The following RAB11FIP3 variants were observed in gnomAD, a reference collection of about 807,000 sequenced individuals.
RAB11FIP3 encodes RAB11 family interacting protein 3, also known as rab11 family-interacting protein 3.
Under a neutral mutation model 77.8 loss-of-function variants are expected in RAB11FIP3, and 17 were observed. That is an observed-to-expected ratio of 0.22 (90% CI 0.15 to 0.33). The LOEUF is 0.33. Ranked by LOEUF, RAB11FIP3 falls within the 10% of genes least tolerant of loss-of-function variation. The pLI, the probability that RAB11FIP3 is intolerant of heterozygous loss-of-function variation, is 1.00. For synonymous variants in RAB11FIP3, 437 were observed against 448.2 expected (o/e 0.98, Z 0.31); for missense variants, 1,005 against 1,011.2 (o/e 0.99, Z 0.08).
At chr16:436,572 C>T (rs2055131640) in intron 1 of RAB11FIP3, among the ~76,000 whole-genome samples, 1 of 152,108 alleles carries the variant, frequency 6.6e-6, no homozygotes, top group Non-Finnish European at 1.5e-5. Flanking sequence ...AGCTCCACCT[C>T]CCAGGTTCAA....
At chr16:488,710 A>ATT (rs2029901958) in intron 4 of RAB11FIP3, 141 bp from the exon 5 acceptor site, 5 of 553,434 alleles carry the variant, frequency 9.0e-6, no homozygotes, top group Non-Finnish European at 1.4e-5. Context: ...CATCCAGCCC[A>ATT]CTTTTTTTTT....
At position 461,864 on chromosome 16, in the gene RAB11FIP3, C is replaced by T. The variant is rs374311435; in HGVS notation, c.808+367C>T. Among the ~76,000 whole-genome samples the T allele has an allele frequency of 6.6e-6, 1 of 152,188 alleles. No homozygotes were observed. Among genetic ancestry groups the T allele is most frequent in the Non-Finnish European group, 1.5e-5 (1 of 68,040 alleles). On this transcript the variant is annotated intron_variant, in intron 2 of 13. Transcript: ENST00000262305. The surrounding 1 kb of genome is among the most constrained non-coding windows in gnomAD (Gnocchi z 4.5). ...CAGGCAGCACTTCGTCGCACTCTCTCCCCACGTCTCTGTCCATCTCCAGTC... is the reference window on the plus strand; with the variant it reads ...CAGGCAGCACTTCGTCGCACTCTCTTCCCACGTCTCTGTCCATCTCCAGTC...
intron 5 of RAB11FIP3, among the ~76,000 whole-genome samples, chr16:490,842 G>A (rs953894600): frequency 1.3e-5 from 2 of 152,208 alleles, no homozygotes; most frequent in African/African-American, 4.8e-5. Context: ...TTTGCAAGGA[G>A]GCTCTCAGGC....
chr16:436,203 G>A (rs1156920509), intron 1 of RAB11FIP3, among the ~76,000 whole-genome samples: 1 of 152,120 alleles, frequency 6.6e-6, no homozygotes, highest in African/African-American at 2.4e-5. Flanking sequence ...CCAGCTACTC[G>A]GGGGTTGAGG....
At chr16:482,461 T>G (rs1326607503) in intron 3 of RAB11FIP3, 64 bp from the exon 4 acceptor site, 11 of 1,461,288 alleles carry the variant, frequency 7.5e-6, no homozygotes, top group Non-Finnish European at 1.1e-5. Flanking sequence ...AGCAGTGAGG[T>G]GTGGGGCGTT....
At position 521,477 on chromosome 16, in the gene RAB11FIP3, C is replaced by T. The variant is rs1464376196; in HGVS notation, c.*638C>T. 6.5e-6 allele frequency: 1 copy of T among 153,780 alleles called. No individual in the cohort carries two copies. The highest frequency in any genetic ancestry group is 1.4e-5 in the Non-Finnish European group (1 of 69,032). The allele number at this position is 153,780 out of a possible 1,614,324, so 9.5% of individuals were successfully genotyped here. A position where few individuals can be genotyped will look rare whatever the true frequency, so the allele number is the denominator to read the frequency against. ...CTCCCTACGCTGCTCGGGCCATTGC[C>T]CAGCCAGATGTGGTCACCTCAGTCC... is the stretch of plus-strand genomic sequence containing the variant. On this transcript the variant is annotated 3_prime_UTR_variant, in exon 14 of 14. Transcript: ENST00000262305.
rs981434168 is a variant in RAB11FIP3 at position 471,945 on chromosome 16, T to G, written c.903+556T>G. Among the ~76,000 whole-genome samples, 3 of 152,066 alleles carry G rather than the reference T, an allele frequency of 2.0e-5. No individual in the cohort carries two copies. The highest frequency in any genetic ancestry group is 7.2e-5 in the African/African-American group (3 of 41,416). ...TGTCCGCCGGTCTGGAGGGTTAGATTCCAGGAGAGCCACGTGGCTGCAGCA... is the reference window on the plus strand; with the variant it reads ...TGTCCGCCGGTCTGGAGGGTTAGATGCCAGGAGAGCCACGTGGCTGCAGCA... On this transcript the variant is annotated intron_variant, in intron 3 of 13. Coordinates refer to ENST00000262305, the MANE Select transcript of RAB11FIP3 (RefSeq NM_014700.4). This position sits in a 1 kb window ranked among gnomAD's most constrained non-coding sequence, Gnocchi z 4.4.
intron 3 of RAB11FIP3, chr16:475,145 G>T: frequency 2.6e-6 from 4 of 1,513,684 alleles, no homozygotes; most frequent in Non-Finnish European, 3.6e-6. Flanking sequence ...TCCTATTTCT[G>T]TGGTGGAGAG....
chr16:433,945 T>C (rs1405804933), intron 1 of RAB11FIP3, among the ~76,000 whole-genome samples: 2 of 152,028 alleles, frequency 1.3e-5, no homozygotes, highest in African/African-American at 2.4e-5. Context: ...ATTGATTCCA[T>C]ATCTTTGCTA....
At chr16:508,989 T>C (rs1221689234) in intron 8 of RAB11FIP3, among the ~76,000 whole-genome samples, 3 of 151,826 alleles carry the variant, frequency 2.0e-5, no homozygotes, top group East Asian at 1.9e-4. Flanking sequence ...GTGCAACCTC[T>C]GCCTCCTGGG....
At chr16:510,489 G>GTT (rs1251803240) in intron 8 of RAB11FIP3, 171 bp from the exon 9 acceptor site, 2 of 720,030 alleles carry the variant, frequency 2.8e-6, no homozygotes, top group Admixed American at 6.1e-5. Flanking sequence ...ATCTGGGGGT[G>GTT]TATTCGCTGC....
chr16:436,263 C>A (rs980529806), intron 1 of RAB11FIP3, among the ~76,000 whole-genome samples: 1 of 152,014 alleles, frequency 6.6e-6, no homozygotes, highest in African/African-American at 2.4e-5. Context: ...GAGCCAAGAT[C>A]GCGCCACCGC....
chr16:434,293 T>A (rs1024539221), intron 1 of RAB11FIP3, among the ~76,000 whole-genome samples: 1 of 152,194 alleles, frequency 6.6e-6, no homozygotes, highest in East Asian at 1.9e-4. Flanking sequence ...GGCTAATTTT[T>A]TGTATTTTTA....
At chr16:473,678 G>A (rs1252940568) in intron 3 of RAB11FIP3, among the ~76,000 whole-genome samples, 2 of 152,032 alleles carry the variant, frequency 1.3e-5, no homozygotes, top group African/African-American at 4.8e-5. Flanking sequence ...GAGTTCAAGC[G>A]ATCCACCCGT....
In RAB11FIP3 at chr16:461,258, G is replaced by T. The variant is rs758492134; in HGVS notation, c.715-146G>T. ...CTCCTGCTGATCTGACAGGAGGGGA[G>T]CTCAGGCGGTAATGCTCCCTCACCT... On this transcript the variant is annotated intron_variant, in intron 1 of 13. Coordinates refer to ENST00000262305, the MANE Select transcript of RAB11FIP3 (RefSeq NM_014700.4). The surrounding 1 kb of genome is among the most constrained non-coding windows in gnomAD (Gnocchi z 4.5). 7.6e-5 allele frequency: 45 copies of T among 591,688 alleles called. No homozygotes were observed. Among genetic ancestry groups the T allele is most frequent in the Non-Finnish European group, 1.2e-4 (40 of 333,374 alleles). 36.7% of individuals were successfully genotyped at this position (591,688 alleles called of 1,614,324 possible).
chr16:440,233 GTTTCTGGACA>G (rs1327475204), intron 1 of RAB11FIP3, among the ~76,000 whole-genome samples: 1 of 152,056 alleles, frequency 6.6e-6, no homozygotes, highest in Non-Finnish European at 1.5e-5. Context: ...AAATGGAAAT[GTTTCTGGACA>G]TTTCTGGACA....
At chr16:485,090 G>A (rs1278281652) in intron 4 of RAB11FIP3, among the ~76,000 whole-genome samples, 3 of 152,094 alleles carry the variant, frequency 2.0e-5, no homozygotes, top group Non-Finnish European at 4.4e-5. Flanking sequence ...CACTGCTTGC[G>A]GGAGGGGTCT....
intron 1 of RAB11FIP3, among the ~76,000 whole-genome samples, chr16:430,979 A>G (rs538290135): frequency 1.3e-5 from 2 of 152,340 alleles, no homozygotes; most frequent in South Asian, 4.1e-4. Flanking sequence ...CATGAGCCGT[A>G]GCGCCCAGCC....
Position 507,905 on chromosome 16 carries a change from T to C in RAB11FIP3, c.1499+2278T>C, listed in dbSNP as rs2031954321. Among the ~76,000 whole-genome samples, 1 of 152,138 alleles carries C rather than the reference T, an allele frequency of 6.6e-6. No individual in the cohort carries two copies. Among genetic ancestry groups the C allele is most frequent in the African/African-American group, 2.4e-5 (1 of 41,422 alleles). ...TACAGCTGCCATCCTAAGAGTACGTTTCCCGTTTTCAGTATCATCTGCCCG... is the reference window on the plus strand; with the variant it reads ...TACAGCTGCCATCCTAAGAGTACGTCTCCCGTTTTCAGTATCATCTGCCCG... On this transcript the variant is annotated intron_variant, in intron 8 of 13. Coordinates refer to ENST00000262305, the MANE Select transcript of RAB11FIP3 (RefSeq NM_014700.4). This position sits in a 1 kb window ranked among gnomAD's most constrained non-coding sequence, Gnocchi z 4.6.
Sources: allele counts gnomAD v4.1 joint callset (sites outside exome capture counted in the v4.1 genomes callset), GRCh38; gene constraint gnomAD v4.1.1; non-coding constraint Gnocchi (gnomAD v3.1); transcripts MANE v1.5; gene names NCBI Gene and HGNC (gene_info 2026-07-23, HGNC 2026-07-21).